The following SLC35F4 variants were observed in gnomAD, a reference collection of about 807,000 sequenced individuals.
SLC35F4 encodes the protein solute carrier family 35 member F4.
In SLC35F4, 24 loss-of-function variants were observed where a neutral mutation model predicts 44.2. The ratio of observed to expected loss-of-function variants is 0.54; its 90% confidence interval spans 0.39 to 0.76. The LOEUF (loss-of-function observed/expected upper bound fraction) is 0.76. SLC35F4 is among the 30% of genes least tolerant of loss of function. SLC35F4 has a pLI of 0.00. For missense variants in SLC35F4, 562 were observed against 586.1 expected (o/e 0.96, Z 0.42); for synonymous variants, 238 against 223.6 (o/e 1.06, Z -0.57).
At chr14:57,717,965 C>G (rs543422923) in intron 1 of SLC35F4, among the ~76,000 whole-genome samples, 2 of 152,204 alleles carry the variant, frequency 1.3e-5, no homozygotes, top group Non-Finnish European at 2.9e-5. Flanking sequence ...CTTATTCACT[C>G]TTGTAACTAC....
At chr14:57,960,140 G>A (rs966182899) in intron 1 of SLC35F4, among the ~76,000 whole-genome samples, 1 of 152,192 alleles carries the variant, frequency 6.6e-6, no homozygotes, top group Non-Finnish European at 1.5e-5. Flanking sequence ...CATGGTAAGG[G>A]TTATGTGTGA....
chr14:57,867,100 C>G (rs1218253959), upstream of SLC35F4, among the ~76,000 whole-genome samples: 1 of 151,646 alleles, frequency 6.6e-6, no homozygotes, highest in East Asian at 1.9e-4. Context: ...GTCCACCTTC[C>G]GTGCAGAGCT....
chr14:57,944,256 T>C (rs921273883), intron 1 of SLC35F4, among the ~76,000 whole-genome samples: 3 of 151,354 alleles, frequency 2.0e-5, no homozygotes, highest in Non-Finnish European at 4.4e-5. Context: ...CAAACACAAA[T>C]ATTCCCTGAT....
chr14:57,782,888 G>A (rs537654667), intron 1 of SLC35F4, among the ~76,000 whole-genome samples: 3 of 152,264 alleles, frequency 2.0e-5, no homozygotes, highest in Admixed American at 2.0e-4. Context: ...CAAAAATAAA[G>A]TTGAATTGCT....
rs761235478 is a variant in SLC35F4 at position 57,705,656 on chromosome 14, CTCTGCT to C, written c.104-111538_104-111533del. 7.7e-4 allele frequency among the ~76,000 whole-genome samples: 118 copies of C among 152,258 alleles called. 2 individuals are homozygous for C. The highest frequency in any genetic ancestry group is 1.4e-3 in the East Asian group (7 of 5,176). On this transcript the variant is annotated intron_variant, in intron 1 of 7. Coordinates refer to ENST00000556826, the MANE Select transcript of SLC35F4 (RefSeq NM_001306087.2). ...GGGTTTGGGTATCACTATTCTTTCC[CTCTGCT>C]TCTTGAGACCAATGGATGATGTCAC... is the stretch of plus-strand genomic sequence containing the variant.
chr14:57,873,027 T>C (rs1888327065), intron 1 of SLC35F4, among the ~76,000 whole-genome samples: 2 of 152,200 alleles, frequency 1.3e-5, no homozygotes, highest in African/African-American at 4.8e-5. Flanking sequence ...ATGTCTGCAA[T>C]GGATATCAGC....
In SLC35F4 at chr14:57,597,005, G is replaced by C. The variant is rs936019005; in HGVS notation, c.104-2881C>G. 9 of 674,100 alleles carry C rather than the reference G, an allele frequency of 1.3e-5. No homozygotes were observed. In the African/African-American group the frequency reaches 1.7e-4, roughly 13 times the overall value. 41.8% of individuals were successfully genotyped at this position (674,100 alleles called of 1,614,324 possible). On this transcript the variant is annotated intron_variant, in intron 1 of 7. Coordinates refer to ENST00000556826, the MANE Select transcript of SLC35F4 (RefSeq NM_001306087.2). Reference sequence around the variant, plus strand: ...CATGATACAATTATCTCCAATCCTGGAAGCGAAAACATTGTCCCATCCTCT... The same window carrying C: ...CATGATACAATTATCTCCAATCCTGCAAGCGAAAACATTGTCCCATCCTCT...
intron 1 of SLC35F4, among the ~76,000 whole-genome samples, chr14:57,769,751 G>T (rs1458142858): frequency 6.6e-6 from 1 of 152,178 alleles, no homozygotes; most frequent in African/African-American, 2.4e-5. Flanking sequence ...TTTATACAAT[G>T]TTTCTTGGGT....
chr14:57,980,707 G>T (rs140364574), intron 1 of SLC35F4, among the ~76,000 whole-genome samples: 1 of 152,016 alleles, frequency 6.6e-6, no homozygotes, highest in African/African-American at 2.4e-5. Flanking sequence ...CCCTAAAGCT[G>T]CACTGTTCAA....
intron 1 of SLC35F4, among the ~76,000 whole-genome samples, chr14:57,642,140 T>C (rs145041783): frequency 2.0e-3 from 305 of 152,104 alleles, no homozygotes; most frequent in African/African-American, 7.0e-3. Context: ...ATAAATAAAA[T>C]AGCAATAAGG....
At chr14:57,654,322 T>C (rs2073889665) in intron 1 of SLC35F4, among the ~76,000 whole-genome samples, 1 of 152,176 alleles carries the variant, frequency 6.6e-6, no homozygotes, top group Non-Finnish European at 1.5e-5. Context: ...AGCTCTGACT[T>C]ATAAGTGAGA....
rs991749366 is a variant in SLC35F4, at chr14:57,899,923, A to G, written n.282+81990T>C. On this transcript the variant is annotated intron_variant and non_coding_transcript_variant, in intron 1 of 1. Coordinates refer to the SLC35F4 transcript ENST00000556568. Reference sequence around the variant, plus strand: ...AAGAGCGAAAGGACAAAGCTTCCACAGAGTGGAAGGGGACCCAAGTGGGTT... The same window carrying G: ...AAGAGCGAAAGGACAAAGCTTCCACGGAGTGGAAGGGGACCCAAGTGGGTT... 2.0e-5 allele frequency among the ~76,000 whole-genome samples: 3 copies of G among 152,302 alleles called. No individual in the cohort carries two copies. The South Asian group carries it at 6.2e-4, about 32-fold the overall frequency.
intron 4 of SLC35F4, among the ~76,000 whole-genome samples, chr14:57,580,822 A>G (rs1044799995): frequency 6.6e-6 from 1 of 152,062 alleles, no homozygotes; most frequent in Non-Finnish European, 1.5e-5. Flanking sequence ...GGTGGGGGGA[A>G]TGGGGGGTCA....
rs375829815 is a variant in SLC35F4, at chr14:57,566,542, A to G, written c.1149T>C (p.Val383=). The G allele has an allele frequency of 5.2e-5, 84 of 1,601,666 alleles. No homozygotes were observed. Among genetic ancestry groups the G allele is most frequent in the Non-Finnish European group, 6.7e-5 (79 of 1,174,180 alleles). Residue 383 remains valine (V), a synonymous_variant, in exon 7 of 8, where the codon GTT becomes GTC. Coordinates refer to ENST00000556826, the MANE Select transcript of SLC35F4 (RefSeq NM_001306087.2). ...GGATTGGGTATGTCAGCACCACCCC[A>G]ACATTCACCAGGATGTTGAAGGCTG... ...LWLAFNILVN[V]GVVLTYPILI...
chr14:57,635,035 A>T (rs957563863), intron 1 of SLC35F4, among the ~76,000 whole-genome samples: 1 of 152,108 alleles, frequency 6.6e-6, no homozygotes, highest in African/African-American at 2.4e-5. Context: ...GGATCACTTG[A>T]GGCCAGGAGT....
intron 1 of SLC35F4, among the ~76,000 whole-genome samples, chr14:57,936,884 G>A (rs1889806579): frequency 6.6e-6 from 1 of 152,134 alleles, no homozygotes; most frequent in South Asian, 2.1e-4. Flanking sequence ...GCCAACACAT[G>A]CATGGAATGT....
In SLC35F4 at chr14:57,581,291, C is replaced by A; in HGVS notation, c.730G>T (p.Ala244Ser). The change falls in exon 4 of 8, where the codon GCT (alanine) becomes TCT (serine). Residue 244 changes from alanine to serine, a missense_variant. Transcript: ENST00000556826. ...AAGGCTTTGTTACAACAGAACAGAGCGGAGACATCCGTGGCCGTCAGCTTC... is the reference window on the plus strand; with the variant it reads ...AAGGCTTTGTTACAACAGAACAGAGAGGAGACATCCGTGGCCGTCAGCTTC... The part of the protein sequence containing the change: ...LKKLTATDVS[A>S]LFCCNKAFVF... The A allele has an allele frequency of 6.2e-7, 1 of 1,613,418 alleles. No individual in the cohort carries two copies. The highest frequency in any genetic ancestry group is 8.5e-7 in the Non-Finnish European group (1 of 1,179,690).
chr14:57,805,412 C>T (rs1446418596), intron 1 of SLC35F4, among the ~76,000 whole-genome samples: 1 of 152,136 alleles, frequency 6.6e-6, no homozygotes, highest in African/African-American at 2.4e-5. Flanking sequence ...AAATGTGGTA[C>T]ATATACACCA....
intron 1 of SLC35F4, among the ~76,000 whole-genome samples, chr14:57,888,964 C>A (rs1402275441): frequency 2.0e-5 from 3 of 152,170 alleles, no homozygotes; most frequent in African/African-American, 7.2e-5. Context: ...CAGTATATGC[C>A]ATGAGCCAGT....
Sources: allele counts gnomAD v4.1 joint callset (sites outside exome capture counted in the v4.1 genomes callset), GRCh38; gene constraint gnomAD v4.1.1; transcripts MANE v1.5; gene names NCBI Gene and HGNC (gene_info 2026-07-23, HGNC 2026-07-21).